Variants in KCNIP1 observed in about 807,000 individuals in gnomAD.
The protein encoded by KCNIP1 is A-type potassium channel modulatory protein KCNIP1.
In KCNIP1, 18 loss-of-function variants were observed where a neutral mutation model predicts 33.0. The ratio of observed to expected loss-of-function variants is 0.55; its 90% CI spans 0.38 to 0.81. KCNIP1 has a LOEUF of 0.81. Among genes scored for constraint, KCNIP1 ranks in the 30% least tolerant of loss-of-function variants. The pLI, the probability that KCNIP1 is intolerant of heterozygous loss-of-function variation, is 0.00. For synonymous variants in KCNIP1, 93 were observed against 98.3 expected, an observed-to-expected ratio of 0.95 and a Z score of 0.32; for missense variants, 238 against 271.6, an observed-to-expected ratio of 0.88 and a Z score of 0.87.
chr5:170,677,603 A>C (rs1185822977), intron 1 of KCNIP1, among the ~76,000 whole-genome samples: 1 of 151,882 alleles, frequency 6.6e-6, no homozygotes, highest in African/African-American at 2.4e-5. Context: ...CGCCTGGGGG[A>C]CTCTGCAGAC....
chr5:170,571,512 C>G (rs1757407522), intron 1 of KCNIP1, among the ~76,000 whole-genome samples: 1 of 152,226 alleles, frequency 6.6e-6, no homozygotes, highest in Non-Finnish European at 1.5e-5. Flanking sequence ...ACTGCTGACT[C>G]CTAGGTATTT....
chr5:170,474,870 G>A (rs1003997925), intron 1 of KCNIP1, among the ~76,000 whole-genome samples: 4 of 152,172 alleles, frequency 2.6e-5, no homozygotes, highest in Admixed American at 2.0e-4. Context: ...TTTGTGAAGA[G>A]CAACAGAACA....
At chr5:170,435,626 T>C (rs1371993466) in intron 1 of KCNIP1, among the ~76,000 whole-genome samples, 1 of 152,208 alleles carries the variant, frequency 6.6e-6, no homozygotes, top group African/African-American at 2.4e-5. Flanking sequence ...GACAGGGCCA[T>C]GCTTATTCCT....
Position 170,699,834 on chromosome 5 carries a change from A to G in KCNIP1, c.62-18924A>G, listed in dbSNP as rs918036507. ...CCTATGTCACAGGCCCTCGATTGCC[A>G]TGAGTCAGCAAGGAGAGGAAGGACA... On this transcript the variant is annotated intron_variant, in intron 1 of 7. Transcript: ENST00000328939. 4.6e-5 allele frequency among the ~76,000 whole-genome samples: 7 copies of G among 152,272 alleles called. No homozygotes were observed. The South Asian group carries it at 1.5e-3, about 32-fold the overall frequency.
chr5:170,416,930 C>A (rs975361008), intron 1 of KCNIP1, among the ~76,000 whole-genome samples: 1 of 152,142 alleles, frequency 6.6e-6, no homozygotes, highest in African/African-American at 2.4e-5. Context: ...AAATAATATC[C>A]TCTTTTTAAA....
chr5:170,441,682 TGGGCCG>T (rs1187205130), intron 1 of KCNIP1, among the ~76,000 whole-genome samples: 1 of 151,978 alleles, frequency 6.6e-6, no homozygotes, highest in Non-Finnish European at 1.5e-5. Context: ...AATGAACAAG[TGGGCCG>T]GGCGCCGTGG....
chr5:170,408,738 C>T (rs971242530), intron 1 of KCNIP1, among the ~76,000 whole-genome samples: 6 of 152,152 alleles, frequency 3.9e-5, no homozygotes, highest in South Asian at 2.1e-4. Flanking sequence ...TCTTGAAGAA[C>T]GCTTTCTCTG....
At chr5:170,494,476 A>C (rs1282303851) in intron 1 of KCNIP1, among the ~76,000 whole-genome samples, 1 of 152,180 alleles carries the variant, frequency 6.6e-6, no homozygotes, top group Non-Finnish European at 1.5e-5. Context: ...GCCTCTCAGG[A>C]AGAGGTTCCC....
intron 1 of KCNIP1, among the ~76,000 whole-genome samples, chr5:170,587,925 A>G (rs1049657321): frequency 2.6e-5 from 4 of 152,370 alleles, no homozygotes; most frequent in Admixed American, 2.6e-4. Context: ...TGCCATCGCC[A>G]GCTCAGTGCT....
chr5:170,496,746 C>T (rs369411383), intron 1 of KCNIP1, among the ~76,000 whole-genome samples: 2 of 152,166 alleles, frequency 1.3e-5, no homozygotes, highest in Non-Finnish European at 2.9e-5. Context: ...CCACTGCCCC[C>T]GTCATTTCAG....
chr5:170,552,261 G>C (rs1431846489), intron 1 of KCNIP1, among the ~76,000 whole-genome samples: 2 of 152,220 alleles, frequency 1.3e-5, no homozygotes, highest in African/African-American at 4.8e-5. Flanking sequence ...CATGTTTGTT[G>C]CAAGTCTGTG....
chr5:170,410,675 C>T lies in KCNIP1; in HGVS notation c.88+56711C>T, dbSNP rs187914443. Among the ~76,000 whole-genome samples, 4 of 152,216 alleles carry T rather than the reference C, an allele frequency of 2.6e-5. No individual in the cohort carries two copies. The East Asian group carries it at 7.7e-4, about 29-fold the overall frequency. ...TATAAATACAAACAATGGCCCATGT[C>T]TCTGTGGGCAATGTGCTCTGGTTTG... On this transcript the variant is annotated intron_variant, in intron 1 of 7. Transcript: ENST00000377360.
chr5:170,546,221 A>G (rs949901965), intron 1 of KCNIP1, among the ~76,000 whole-genome samples: 3 of 152,204 alleles, frequency 2.0e-5, no homozygotes, highest in Admixed American at 6.5e-5. Flanking sequence ...TTTTCTGGCT[A>G]TCTTCAAAAT....
intron 1 of KCNIP1, among the ~76,000 whole-genome samples, chr5:170,699,460 G>T (rs1464055708): frequency 6.7e-6 from 1 of 149,784 alleles, no homozygotes; most frequent in African/African-American, 2.5e-5. Context: ...CACCTCCTTT[G>T]CATGTTTAAT....
At chr5:170,383,652 T>G (rs887986719) in intron 1 of KCNIP1, 1 of 1,612,926 alleles carries the variant, frequency 6.2e-7, no homozygotes, top group East Asian at 2.2e-5. Context: ...GATAAAGGGA[T>G]GTGTCCCCAT....
chr5:170,609,968 A>G (rs1430237993), intron 1 of KCNIP1, among the ~76,000 whole-genome samples: 4 of 152,234 alleles, frequency 2.6e-5, no homozygotes, highest in African/African-American at 9.6e-5. Context: ...ATAAAGCTAG[A>G]ATGGAAAATG....
chr5:170,406,630 C>T (rs1236908272), intron 1 of KCNIP1, among the ~76,000 whole-genome samples: 2 of 152,210 alleles, frequency 1.3e-5, no homozygotes, highest in African/African-American at 4.8e-5. Context: ...TACTAGCCCT[C>T]ATACCCAGGA....
intron 1 of KCNIP1, among the ~76,000 whole-genome samples, chr5:170,476,422 C>T (rs1474616081): frequency 2.0e-5 from 3 of 152,198 alleles, no homozygotes. Context: ...TTTGACTGAA[C>T]TGTCTTGGTG....
chr5:170,645,487 A>T (rs1187650185), intron 1 of KCNIP1, among the ~76,000 whole-genome samples: 1 of 152,178 alleles, frequency 6.6e-6, no homozygotes, highest in African/African-American at 2.4e-5. Flanking sequence ...AAAATGATAT[A>T]AATGCAAGGA....
Sources: allele counts gnomAD v4.1 joint callset (sites outside exome capture counted in the v4.1 genomes callset), GRCh38; gene constraint gnomAD v4.1.1; transcripts MANE v1.5; gene names NCBI Gene and HGNC (gene_info 2026-07-23, HGNC 2026-07-21).